The following SLC35F1 variants were observed in gnomAD, a reference collection of about 807,000 sequenced individuals.
The protein encoded by SLC35F1 is solute carrier family 35 member F1.
A neutral mutation model predicts 48.7 loss-of-function variants in SLC35F1; 14 were observed. The ratio of observed to expected loss-of-function variants is 0.29; its 90% CI spans 0.19 to 0.45. SLC35F1 has a LOEUF of 0.45. SLC35F1 is among the 20% of genes least tolerant of loss of function. The pLI is 1.00. For synonymous variants in SLC35F1, 190 were observed against 202.2 expected, an observed-to-expected ratio of 0.94 and a Z score of 0.51; for missense variants, 404 against 500.0, an observed-to-expected ratio of 0.81 and a Z score of 1.83.
chr6:118,122,446 T>G (rs1773565137), intron 1 of SLC35F1, among the ~76,000 whole-genome samples: 1 of 152,210 alleles, frequency 6.6e-6, no homozygotes, highest in Non-Finnish European at 1.5e-5. Flanking sequence ...TCAGAGAAAC[T>G]TTATTTTTCC....
At chr6:118,010,156 C>A (rs1777226363) in intron 1 of SLC35F1, among the ~76,000 whole-genome samples, 1 of 152,100 alleles carries the variant, frequency 6.6e-6, no homozygotes, top group African/African-American at 2.4e-5. Context: ...GTATTTAGAT[C>A]TCTAATTCCA....
Position 118,191,954 on chromosome 6 carries a change from C to T in SLC35F1, c.349+37334C>T, listed in dbSNP as rs191517821. ...TTTTAGCAATTTATTAGTCACCACA[C>T]CAATATATTTAATTTGGATCATTTT... On this transcript the variant is annotated intron_variant, in intron 2 of 7. Coordinates refer to ENST00000360388, the MANE Select transcript of SLC35F1 (RefSeq NM_001029858.4). Among the ~76,000 whole-genome samples, 234 of 152,218 alleles carry T rather than the reference C, an allele frequency of 1.5e-3. 1 individual carries two copies. Among genetic ancestry groups the T allele is most frequent in the Middle Eastern group, 0.014 (4 of 294 alleles).
At chr6:117,998,591 C>T (rs567073479) in intron 1 of SLC35F1, among the ~76,000 whole-genome samples, 2 of 150,804 alleles carry the variant, frequency 1.3e-5, no homozygotes, top group African/African-American at 4.9e-5. Context: ...GACCACAGTG[C>T]AATCCAACTA....
At chr6:118,266,020 A>G (rs559491093) in intron 3 of SLC35F1, among the ~76,000 whole-genome samples, 1 of 152,210 alleles carries the variant, frequency 6.6e-6, no homozygotes, top group Non-Finnish European at 1.5e-5. Flanking sequence ...ACCAGCAATG[A>G]GGGCCTCGTG....
At chr6:118,196,562 A>G (rs1266777787) in intron 2 of SLC35F1, among the ~76,000 whole-genome samples, 1 of 152,014 alleles carries the variant, frequency 6.6e-6, no homozygotes, top group East Asian at 1.9e-4. Context: ...CTAAAGATAC[A>G]AAAATTAGCT....
intron 1 of SLC35F1, among the ~76,000 whole-genome samples, chr6:117,949,229 A>G (rs1776332568): frequency 6.6e-6 from 1 of 152,214 alleles, no homozygotes; most frequent in Admixed American, 6.5e-5. Flanking sequence ...GTTAGTAAGA[A>G]GAAATGCCAG....
At chr6:117,940,436 G>T (rs563921453) in intron 1 of SLC35F1, among the ~76,000 whole-genome samples, 4 of 152,198 alleles carry the variant, frequency 2.6e-5, no homozygotes, top group Admixed American at 2.0e-4. Context: ...CATTATTGAA[G>T]CATAACTGAC....
intron 2 of SLC35F1, among the ~76,000 whole-genome samples, chr6:118,185,041 C>T (rs188885914): frequency 5.9e-5 from 9 of 152,310 alleles, no homozygotes; most frequent in Admixed American, 1.3e-4. Context: ...CCTGATGCCA[C>T]ACTTGAAGCA....
intron 2 of SLC35F1, among the ~76,000 whole-genome samples, chr6:118,165,413 A>T (rs1026401308): frequency 6.6e-6 from 1 of 152,218 alleles, no homozygotes; most frequent in African/African-American, 2.4e-5. Flanking sequence ...AAATCCAGAC[A>T]TTGCAGAGAA....
intron 3 of SLC35F1, among the ~76,000 whole-genome samples, chr6:118,245,157 C>A (rs754819144): frequency 6.6e-6 from 1 of 152,230 alleles, no homozygotes; most frequent in African/African-American, 2.4e-5. Context: ...ACTGTACTTT[C>A]TTTATATTCT....
At chr6:118,300,266 A>T (rs1019561592) in intron 7 of SLC35F1, among the ~76,000 whole-genome samples, 1 of 152,182 alleles carries the variant, frequency 6.6e-6, no homozygotes, top group African/African-American at 2.4e-5. Flanking sequence ...TATTATATGT[A>T]ATCTAGAGCC....
At chr6:118,170,317 G>A (rs192346498) in intron 2 of SLC35F1, among the ~76,000 whole-genome samples, 57 of 152,274 alleles carry the variant, frequency 3.7e-4, no homozygotes, top group African/African-American at 1.3e-3. Context: ...CCACTTTATA[G>A]AATAGATATA....
At chr6:118,001,004 T>C (rs1374948727) in intron 1 of SLC35F1, among the ~76,000 whole-genome samples, 7 of 151,882 alleles carry the variant, frequency 4.6e-5, no homozygotes, top group Non-Finnish European at 7.4e-5. Flanking sequence ...GAATCAATAT[T>C]GTGAAAATGG....
intron 1 of SLC35F1, among the ~76,000 whole-genome samples, chr6:118,068,094 AAG>A (rs946755527): frequency 6.6e-6 from 1 of 152,106 alleles, no homozygotes; most frequent in African/African-American, 2.4e-5. Flanking sequence ...CTAGCTCCAG[AAG>A]AGAGAGAGTG....
chr6:118,185,389 T>G (rs996944015), intron 2 of SLC35F1, among the ~76,000 whole-genome samples: 2 of 152,110 alleles, frequency 1.3e-5, no homozygotes, highest in Non-Finnish European at 2.9e-5. Flanking sequence ...ACATTTCCCC[T>G]GAGGCAACAT....
At chr6:118,116,193 C>T (rs1323993606) in intron 1 of SLC35F1, among the ~76,000 whole-genome samples, 1 of 152,118 alleles carries the variant, frequency 6.6e-6, no homozygotes, top group Non-Finnish European at 1.5e-5. Flanking sequence ...AGGTATGCCA[C>T]TTTATAGAGT....
At chr6:118,051,031 C>T (rs773119983) in intron 1 of SLC35F1, among the ~76,000 whole-genome samples, 1 of 152,050 alleles carries the variant, frequency 6.6e-6, no homozygotes, top group Non-Finnish European at 1.5e-5. Context: ...TAAAGATATA[C>T]AAAAATTGTA....
intron 1 of SLC35F1, among the ~76,000 whole-genome samples, chr6:117,965,017 T>C (rs1416413): frequency 0.37 from 56,178 of 151,950 alleles, 10,909 homozygotes; most frequent in South Asian, 0.52. Context: ...GCAATCATAA[T>C]GAGTGAGGAG....
At chr6:118,124,010 T>C (rs1773589714) in intron 1 of SLC35F1, among the ~76,000 whole-genome samples, 1 of 152,070 alleles carries the variant, frequency 6.6e-6, no homozygotes, top group Non-Finnish European at 1.5e-5. Context: ...GACACCCAAA[T>C]CACAGACCTG....
Sources: allele counts gnomAD v4.1 joint callset (sites outside exome capture counted in the v4.1 genomes callset), GRCh38; gene constraint gnomAD v4.1.1; transcripts MANE v1.5; gene names NCBI Gene and HGNC (gene_info 2026-07-23, HGNC 2026-07-21).